Variants in GRM1 observed in about 807,000 individuals in gnomAD.
The protein encoded by GRM1 is metabotropic glutamate receptor 1.
GRM1 carries 33 observed loss-of-function variants against 90.9 expected under a neutral mutation model. The ratio of observed to expected loss-of-function variants is 0.36; its 90% CI spans 0.28 to 0.49. The LOEUF (loss-of-function observed/expected upper bound fraction) is 0.49, where lower values mean the gene tolerates loss of function less well. Ranked by LOEUF, GRM1 falls within the 20% of genes least tolerant of loss-of-function variation. The pLI is 0.99. For synonymous variants in GRM1, 700 were observed against 613.2 expected (o/e 1.14, Z -2.09); for missense variants, 1,190 against 1,534.3 (o/e 0.78, Z 3.75).
At chr6:146,328,104 T>G (rs1784457661) in intron 3 of GRM1, among the ~76,000 whole-genome samples, 1 of 152,214 alleles carries the variant, frequency 6.6e-6, no homozygotes, top group Non-Finnish European at 1.5e-5. Flanking sequence ...CTGTCTATAG[T>G]GCACGGTTGC....
At chr6:146,087,569 G>T (rs185563958) in intron 1 of GRM1, among the ~76,000 whole-genome samples, 6 of 152,142 alleles carry the variant, frequency 3.9e-5, no homozygotes, top group Non-Finnish European at 8.8e-5. Flanking sequence ...CTCTTTGTTT[G>T]TCCTTGGTGG....
intron 1 of GRM1, among the ~76,000 whole-genome samples, chr6:146,050,168 G>A (rs759555431): frequency 2.0e-5 from 3 of 151,996 alleles, no homozygotes; most frequent in Admixed American, 2.0e-4. Flanking sequence ...AGGTCCTGGA[G>A]CTATATTGCA....
chr6:146,100,657 G>A (rs533905974), intron 1 of GRM1, among the ~76,000 whole-genome samples: 118 of 152,222 alleles, frequency 7.8e-4, no homozygotes, highest in African/African-American at 2.7e-3. Context: ...GCTTTATATA[G>A]GTCTTGATAA....
At chr6:146,072,176 A>G (rs1451263041) in intron 1 of GRM1, among the ~76,000 whole-genome samples, 1 of 152,172 alleles carries the variant, frequency 6.6e-6, no homozygotes, top group Non-Finnish European at 1.5e-5. Flanking sequence ...CTTTGTATCT[A>G]TCCGCTGGAC....
intron 1 of GRM1, among the ~76,000 whole-genome samples, chr6:146,070,921 T>A (rs949099782): frequency 1.3e-5 from 2 of 152,168 alleles, no homozygotes; most frequent in Admixed American, 6.5e-5. Flanking sequence ...TTGTAGTAAT[T>A]AAAGTACTAC....
chr6:146,105,333 A>G (rs1287221617), intron 1 of GRM1, among the ~76,000 whole-genome samples: 5 of 152,228 alleles, frequency 3.3e-5, no homozygotes, highest in African/African-American at 1.2e-4. Context: ...CCTTTAAACT[A>G]GTAAACTTAG....
chr6:146,388,724 C>T (rs1044073905), intron 6 of GRM1, among the ~76,000 whole-genome samples: 2 of 152,056 alleles, frequency 1.3e-5, no homozygotes, highest in Non-Finnish European at 2.9e-5. Flanking sequence ...GCTTTGCTCC[C>T]GCTGGAGTGG....
intron 3 of GRM1, among the ~76,000 whole-genome samples, chr6:146,331,935 G>C (rs967515818): frequency 1.1e-4 from 16 of 152,144 alleles, no homozygotes; most frequent in African/African-American, 3.9e-4. Context: ...TCATGTGATA[G>C]TTTGGGAATC....
chr6:146,088,628 A>G (rs1421309234), intron 1 of GRM1, among the ~76,000 whole-genome samples: 1 of 152,142 alleles, frequency 6.6e-6, no homozygotes, highest in Non-Finnish European at 1.5e-5. Flanking sequence ...CCAGGATGCC[A>G]GTAGATGTCA....
chr6:146,340,340 A>G (rs1427432546), intron 3 of GRM1: 2 of 152,188 alleles, frequency 1.3e-5, no homozygotes, highest in Non-Finnish European at 2.9e-5. Flanking sequence ...TAGTCTCTGC[A>G]ATGACTTTCT....
At chr6:146,260,803 G>GTTTTT (rs1248885399) in intron 2 of GRM1, among the ~76,000 whole-genome samples, 3 of 72,654 alleles carry the variant, frequency 4.1e-5, no homozygotes, top group East Asian at 3.2e-4. Flanking sequence ...AGGTTATTTG[G>GTTTTT]GTTTTTTTTT....
chr6:146,310,869 G>A (rs889388964), intron 3 of GRM1, among the ~76,000 whole-genome samples: 4 of 152,138 alleles, frequency 2.6e-5, no homozygotes, highest in African/African-American at 4.8e-5. Flanking sequence ...GATGAGTTAT[G>A]TCCAACTCAG....
intron 7 of GRM1, among the ~76,000 whole-genome samples, chr6:146,414,013 T>C (rs1306795323): frequency 6.6e-6 from 1 of 152,206 alleles, no homozygotes; most frequent in Non-Finnish European, 1.5e-5. Context: ...ACAATCAACA[T>C]ACATACACAA....
At chr6:146,040,871 A>G (rs1019348058) in intron 1 of GRM1, among the ~76,000 whole-genome samples, 3 of 151,956 alleles carry the variant, frequency 2.0e-5, no homozygotes, top group East Asian at 3.9e-4. Context: ...TTGAAGGCCA[A>G]TGACTCTTAG....
intron 1 of GRM1, among the ~76,000 whole-genome samples, chr6:146,121,733 T>C (rs555389755): frequency 1.5e-3 from 230 of 152,360 alleles, no homozygotes; most frequent in African/African-American, 5.2e-3. Flanking sequence ...AGTTTCCATG[T>C]AGTTGAGCAG....
chr6:146,125,679 ACT>A (rs1757054063), intron 1 of GRM1, among the ~76,000 whole-genome samples: 2 of 150,150 alleles, frequency 1.3e-5, no homozygotes, highest in South Asian at 4.2e-4. Context: ...AAGCATCTAA[ACT>A]CTTTTATTCT....
At position 146,434,252 on chromosome 6, in the gene GRM1, C is replaced by G. The variant is rs1778515251; in HGVS notation, c.3041C>G (p.Pro1014Arg). 3.1e-6 allele frequency: 5 copies of G among 1,600,266 alleles called. No individual in the cohort carries two copies. The East Asian group carries it at 1.1e-4, about 36-fold the overall frequency. Residue 1014 changes from proline to arginine, a missense_variant, in exon 8 of 8, where the codon CCC becomes CGC. Pro to Arg is a moderately radical substitution (Grantham distance 103). Transcript: ENST00000282753. ...LAEPALPKGL[P>R]PPLQQQQQPP... ...GAACCAGCCCTCCCCAAGGGCTTGC[C>G]CCCTCCTCTCCAGCAGCAGCAGCAA... is the stretch of plus-strand genomic sequence containing the variant.
chr6:146,236,023 G>A (rs2114716652), intron 2 of GRM1, among the ~76,000 whole-genome samples: 1 of 152,030 alleles, frequency 6.6e-6, no homozygotes, highest in East Asian at 1.9e-4. Context: ...ATTTTTGCTT[G>A]GAAATGGGTT....
intron 2 of GRM1, among the ~76,000 whole-genome samples, chr6:146,188,513 A>G (rs1341214662): frequency 6.6e-6 from 1 of 152,158 alleles, no homozygotes; most frequent in Non-Finnish European, 1.5e-5. Flanking sequence ...AAAACTTAAA[A>G]TCCAAGAAGA....
Sources: gnomAD v4.1 joint callset for allele counts (sites outside exome capture counted in the v4.1 genomes callset) on GRCh38, gnomAD v4.1.1 for gene constraint, MANE v1.5 for transcripts, NCBI Gene and HGNC (gene_info 2026-07-23, HGNC 2026-07-21) for gene names.